DENND5A: variants seen among roughly 807,000 people sequenced by gnomAD.
The protein encoded by DENND5A is DENN domain containing 5A.
Under a neutral mutation model 140.3 loss-of-function variants are expected in DENND5A, and 64 were observed. The ratio of observed to expected loss-of-function variants is 0.46; its 90% CI spans 0.37 to 0.56. DENND5A has a LOEUF of 0.56. Ranked by LOEUF, DENND5A falls within the 20% of genes least tolerant of loss-of-function variation. The pLI is 0.00. For synonymous variants in DENND5A, 605 were observed against 607.7 expected (o/e 1.00, Z 0.07); for missense variants, 1,292 against 1,593.8 (o/e 0.81, Z 3.22).
At position 9,201,353 on chromosome 11, in the gene DENND5A, T is replaced by C. The variant is rs75326624; in HGVS notation, c.949+2307A>G. On this transcript the variant is annotated intron_variant, in intron 4 of 22. Transcript: ENST00000328194. ...TTGTGCCACTACACTCTAGCCTGGG[T>C]GATAGAATAAGACTCTATTTCTTTA... Among the ~76,000 whole-genome samples the C allele has an allele frequency of 8.6e-3, 1,278 of 148,860 alleles. 18 individuals are homozygous for C. Among genetic ancestry groups the C allele is most frequent in the African/African-American group, 0.03 (1,218 of 40,150 alleles).
chr11:9,165,879 T>C lies in DENND5A; in HGVS notation c.2240A>G (p.Asn747Ser), dbSNP rs1260765374. ...NLSPSVIAQT[N>S]WKFVEGLLKE... ...CAGCAGGCCCTCTACAAACTTCCAA[T>C]TGGTCTGGGCAATCACTGATGGAGA... Residue 747 changes from asparagine to serine, a missense_variant, in exon 11 of 23, where the codon AAT becomes AGT. This residue lies in a region of DENND5A where 498 missense variants were observed against 689.7 expected (regional missense o/e 0.72). Transcript: ENST00000328194. 1.9e-6 allele frequency: 3 copies of C among 1,614,088 alleles called. No homozygotes were observed. The highest frequency in any genetic ancestry group is 2.5e-6 in the Non-Finnish European group (3 of 1,179,970).
At chr11:9,196,635 G>C (rs962728171) in intron 4 of DENND5A, among the ~76,000 whole-genome samples, 8 of 151,928 alleles carry the variant, frequency 5.3e-5, no homozygotes, top group African/African-American at 1.9e-4. Context: ...ATTGGAGACA[G>C]GGTCTTGCTC....
At chr11:9,250,044 TA>T (rs10710741) in intron 1 of DENND5A, among the ~76,000 whole-genome samples, 16,764 of 138,402 alleles carry the variant, frequency 0.12, 963 homozygotes, top group South Asian at 0.18. Flanking sequence ...AAATAAAATT[TA>T]AAAAAAAAAA....
rs1564890312 is a variant in DENND5A, at chr11:9,164,196, T to A, written c.2283+1640A>T. Among the ~76,000 whole-genome samples, 3 of 1,964 alleles carry A rather than the reference T, an allele frequency of 1.5e-3. No homozygotes were observed. In the South Asian group the frequency reaches 0.065, roughly 43 times the overall value. 1.3% of individuals were successfully genotyped at this position (1,964 alleles called of 152,430 possible). On this transcript the variant is annotated intron_variant, in intron 11 of 22. Coordinates refer to ENST00000328194, the MANE Select transcript of DENND5A (RefSeq NM_015213.4). Reference sequence around the variant, plus strand: ...AAAGGTGTGCACCACCACGCCTAATTTTTTTTTTTTTTTTTTTTTTTTTTT... The same window carrying A: ...AAAGGTGTGCACCACCACGCCTAATATTTTTTTTTTTTTTTTTTTTTTTTT...
intron 4 of DENND5A, among the ~76,000 whole-genome samples, chr11:9,201,997 G>A (rs1849539733): frequency 6.6e-6 from 1 of 152,114 alleles, no homozygotes; most frequent in Admixed American, 6.6e-5. Context: ...TCATATGCCT[G>A]CCTCCTGTAA....
intron 2 of DENND5A, 112 bp from the exon 3 acceptor site, chr11:9,206,894 T>TAAC: frequency 1.4e-6 from 1 of 728,948 alleles, no homozygotes; most frequent in East Asian, 2.5e-5. Flanking sequence ...GGCAAGGGGG[T>TAAC]TAGTATGCCA....
At chr11:9,238,710 G>A (rs950647633) in intron 1 of DENND5A, among the ~76,000 whole-genome samples, 10 of 151,688 alleles carry the variant, frequency 6.6e-5, no homozygotes, top group African/African-American at 1.9e-4. Context: ...CACTGTGCCC[G>A]GCCCAAAAAT....
rs1027359152 is a variant in DENND5A at position 9,205,389 on chromosome 11, C to T, written c.292-1072G>A. Among the ~76,000 whole-genome samples, 4 of 152,186 alleles carry T rather than the reference C, an allele frequency of 2.6e-5. No homozygotes were observed. The East Asian group carries it at 5.8e-4, about 22-fold the overall frequency. ...ACCTATATTATATTATATCTATTAG[C>T]CTTAAACTTGACTTCCCAAAGGCTA... On this transcript the variant is annotated intron_variant, in intron 3 of 22. Transcript: ENST00000328194.
chr11:9,262,635 G>A (rs551500581), intron 1 of DENND5A, among the ~76,000 whole-genome samples: 4 of 151,904 alleles, frequency 2.6e-5, no homozygotes, highest in African/African-American at 9.7e-5. Context: ...TTACATCAAA[G>A]TCACAAACTT....
chr11:9,265,217 T>C lies in DENND5A; in HGVS notation c.-148A>G, dbSNP rs1235331161. 8 of 280,538 alleles carry C rather than the reference T, an allele frequency of 2.9e-5. No individual in the cohort carries two copies. Among genetic ancestry groups the C allele is most frequent in the Admixed American group, 6.1e-5 (1 of 16,358 alleles). 17.4% of individuals were successfully genotyped at this position (280,538 alleles called of 1,614,324 possible). A position where few individuals can be genotyped will look rare whatever the true frequency, so the allele number is the denominator to read the frequency against. On this transcript the variant is annotated 5_prime_UTR_variant, in exon 1 of 23. Transcript: ENST00000328194. This position sits in a 1 kb window ranked among gnomAD's most constrained non-coding sequence, Gnocchi z 4.7. ...CGCCCCCGGCCCTGGCCCGGTCCCC[T>C]CGGCCGCCGCGGCTGCCGTGACGGG...
chr11:9,221,031 G>A (rs1401667842), intron 1 of DENND5A, among the ~76,000 whole-genome samples: 2 of 151,464 alleles, frequency 1.3e-5, no homozygotes, highest in Non-Finnish European at 2.9e-5. Context: ...GCCGTGAGCC[G>A]AGATGGCGCC....
chr11:9,153,344 C>CAAAAAAA (rs59736475), intron 12 of DENND5A, among the ~76,000 whole-genome samples: 4 of 27,028 alleles, frequency 1.5e-4, no homozygotes, highest in Non-Finnish European at 1.4e-4. Flanking sequence ...GGCTCCCTCT[C>CAAAAAAA]AAAAAAAAAA....
At chr11:9,191,541 AC>A (rs1186519331) in intron 5 of DENND5A, among the ~76,000 whole-genome samples, 1 of 152,136 alleles carries the variant, frequency 6.6e-6, no homozygotes, top group Non-Finnish European at 1.5e-5. Flanking sequence ...CACCCGGCCA[AC>A]TTTTGGGTTT....
intron 12 of DENND5A, among the ~76,000 whole-genome samples, chr11:9,153,978 C>T (rs1424454236): frequency 1.3e-5 from 2 of 152,212 alleles, no homozygotes; most frequent in African/African-American, 2.4e-5. Flanking sequence ...CATCATAACC[C>T]TTGTTAAGTG....
chr11:9,193,934 T>C (rs1849229325), intron 4 of DENND5A, among the ~76,000 whole-genome samples: 1 of 151,940 alleles, frequency 6.6e-6, no homozygotes, highest in African/African-American at 2.4e-5. Flanking sequence ...AATATGGAAA[T>C]ACAACAAAAA....
At chr11:9,224,347 C>G (rs1469897768) in intron 1 of DENND5A, among the ~76,000 whole-genome samples, 1 of 152,162 alleles carries the variant, frequency 6.6e-6, no homozygotes, top group African/African-American at 2.4e-5. Context: ...TTCCTGGGCT[C>G]CAGTTTCTCC....
chr11:9,159,193 T>C (rs1301712501), intron 12 of DENND5A, among the ~76,000 whole-genome samples: 1 of 152,228 alleles, frequency 6.6e-6, no homozygotes, highest in Non-Finnish European at 1.5e-5. Context: ...ATTCCCTTTA[T>C]TGCTCAATAA....
intron 1 of DENND5A, among the ~76,000 whole-genome samples, chr11:9,252,741 G>A (rs140064686): frequency 1.2e-3 from 178 of 152,220 alleles, no homozygotes; most frequent in African/African-American, 4.1e-3. Context: ...TCTCTAGCAG[G>A]AACCTAAAAC....
chr11:9,146,431 G>C (rs1405257345), intron 16 of DENND5A, among the ~76,000 whole-genome samples: 1 of 152,184 alleles, frequency 6.6e-6, no homozygotes, highest in Non-Finnish European at 1.5e-5. Flanking sequence ...CCTGGCATCA[G>C]GGAAAGAAGA....
Sources: gnomAD v4.1 joint callset for allele counts (sites outside exome capture counted in the v4.1 genomes callset) on GRCh38, gnomAD v4.1.1 for gene constraint, gnomAD v4.1.1 regional missense constraint, Gnocchi (gnomAD v3.1) non-coding constraint, MANE v1.5 for transcripts, NCBI Gene and HGNC (gene_info 2026-07-23, HGNC 2026-07-21) for gene names.